MEF2C: variants seen among roughly 807,000 people sequenced by gnomAD.
MEF2C encodes myocyte enhancer factor 2C.
In MEF2C, 6 loss-of-function variants were observed where a neutral mutation model predicts 50.5. That is an observed-to-expected ratio of 0.12 (90% confidence interval 0.07 to 0.23). MEF2C has a LOEUF of 0.23. MEF2C is among the 10% of genes least tolerant of loss of function. MEF2C has a pLI of 1.00. For missense variants in MEF2C, 276 were observed against 605.0 expected, an observed-to-expected ratio of 0.46 and a Z score of 5.70; for synonymous variants, 183 against 228.0, an observed-to-expected ratio of 0.80 and a Z score of 1.78.
intron 6 of MEF2C, chr5:88,737,853 T>TA: frequency 1.0e-6 from 1 of 985,400 alleles, no homozygotes; most frequent in Non-Finnish European, 1.2e-6. Flanking sequence ...ACTAAGCTTT[T>TA]ACCAAATTTT....
At chr5:88,780,690 T>A (rs1580579458) in intron 3 of MEF2C, 2 of 864,040 alleles carry the variant, frequency 2.3e-6, no homozygotes, top group Non-Finnish European at 2.8e-6. Context: ...CTGTTAACAA[T>A]ATCATCACAC....
At chr5:88,885,642 T>C (rs1385368328), upstream of MEF2C, among the ~76,000 whole-genome samples, 2 of 152,198 alleles carry the variant, frequency 1.3e-5, no homozygotes, top group East Asian at 1.9e-4. Flanking sequence ...GGCAAAGATA[T>C]TTCGAATACT....
At chr5:88,824,259 A>AT in intron 1 of MEF2C, 1 of 935,762 alleles carries the variant, frequency 1.1e-6, no homozygotes, top group African/African-American at 2.7e-5. Context: ...TGACAATTTC[A>AT]CCCGTTATGA....
intron 1 of MEF2C, among the ~76,000 whole-genome samples, chr5:88,835,572 G>C (rs189596376): frequency 6.6e-6 from 1 of 152,186 alleles, no homozygotes; most frequent in Admixed American, 6.5e-5. Context: ...AGCACTTTGA[G>C]AGGCCGAGGC....
intron 1 of MEF2C, among the ~76,000 whole-genome samples, chr5:88,852,025 G>A (rs139983537): frequency 1.3e-5 from 2 of 152,104 alleles, no homozygotes; most frequent in East Asian, 1.9e-4. Flanking sequence ...GTGAAAACTC[G>A]AATGACCAAA....
intron 2 of MEF2C, among the ~76,000 whole-genome samples, chr5:88,806,883 CTACTT>C (rs1208105061): frequency 2.6e-5 from 4 of 152,098 alleles, no homozygotes; most frequent in African/African-American, 9.7e-5. Context: ...ATTTTGCTCA[CTACTT>C]TATCCCCAGT....
At chr5:88,762,033 G>A (rs1347705024) in intron 3 of MEF2C, 1 of 152,202 alleles carries the variant, frequency 6.6e-6, no homozygotes, top group Non-Finnish European at 1.5e-5. Context: ...GCTGAGTAAG[G>A]AAGACGAAGA....
chr5:88,893,995 T>C (rs13171125), intron 1 of MEF2C, among the ~76,000 whole-genome samples: 34,179 of 152,152 alleles, frequency 0.22, 4,143 homozygotes, highest in Non-Finnish European at 0.29. Context: ...TTCTTAGTCA[T>C]AATACAATGA....
intron 1 of MEF2C, among the ~76,000 whole-genome samples, chr5:88,871,636 GATTT>G (rs1171954290): frequency 6.6e-6 from 1 of 151,986 alleles, no homozygotes; most frequent in Non-Finnish European, 1.5e-5. Flanking sequence ...TCCAAAATAT[GATTT>G]TTTTTGAGAA....
chr5:88,844,445 A>G (rs902044938), intron 1 of MEF2C, among the ~76,000 whole-genome samples: 6 of 152,212 alleles, frequency 3.9e-5, no homozygotes, highest in African/African-American at 1.4e-4. Context: ...TGACATACAT[A>G]TATCAAATTC....
At chr5:88,821,351 T>C (rs1330740050) in intron 2 of MEF2C, among the ~76,000 whole-genome samples, 2 of 151,906 alleles carry the variant, frequency 1.3e-5, no homozygotes, top group Non-Finnish European at 1.5e-5. Context: ...CTCACTGCAG[T>C]TTTGACATCT....
intron 3 of MEF2C, among the ~76,000 whole-genome samples, chr5:88,786,681 T>G (rs545721323): frequency 6.6e-6 from 1 of 150,758 alleles, no homozygotes; most frequent in African/African-American, 2.5e-5. Context: ...CTGCTACATA[T>G]ACATACTACA....
intron 6 of MEF2C, chr5:88,743,916 A>C (rs1365221062): frequency 1.1e-6 from 1 of 911,174 alleles, no homozygotes; most frequent in Non-Finnish European, 1.3e-6. Context: ...GCCAATTAAA[A>C]TTATTAACCA....
At chr5:88,726,262 CA>C (rs777726904) in intron 10 of MEF2C, among the ~76,000 whole-genome samples, 1 of 151,968 alleles carries the variant, frequency 6.6e-6, no homozygotes, top group Non-Finnish European at 1.5e-5. Context: ...TGTCTCTAGC[CA>C]AAAGAATGTG....
chr5:88,740,329 G>GC, intron 6 of MEF2C: 2 of 984,770 alleles, frequency 2.0e-6, no homozygotes, highest in Non-Finnish European at 2.4e-6. Flanking sequence ...TACTGTGTAA[G>GC]CTCTGGATTG....
chr5:88,902,231 T>C (rs1386212895), intron 1 of MEF2C, among the ~76,000 whole-genome samples: 22 of 151,676 alleles, frequency 1.5e-4, no homozygotes, highest in Non-Finnish European at 2.8e-4. Flanking sequence ...TCTAAAAATT[T>C]AGCGACTATA....
intron 1 of MEF2C, chr5:88,839,209 G>C (rs1260862458): frequency 6.6e-6 from 1 of 151,896 alleles, no homozygotes; most frequent in Non-Finnish European, 1.5e-5. Context: ...ACCTATGTTT[G>C]TACATATATA....
chr5:88,785,320 GTAT>G (rs1790357697), intron 3 of MEF2C: 1 of 130,086 alleles, frequency 7.7e-6, no homozygotes, highest in African/African-American at 2.9e-5. Context: ...ACACACACAC[GTAT>G]TTTTTTATGA....
intron 1 of MEF2C, among the ~76,000 whole-genome samples, chr5:88,867,339 T>C (rs1318969215): frequency 6.6e-6 from 1 of 152,184 alleles, no homozygotes; most frequent in Admixed American, 6.5e-5. Flanking sequence ...ATGTGAGATT[T>C]TGGCTTAATA....
Sources: allele counts gnomAD v4.1 joint callset (sites outside exome capture counted in the v4.1 genomes callset), GRCh38; gene constraint gnomAD v4.1.1; transcripts MANE v1.5; gene names NCBI Gene and HGNC (gene_info 2026-07-23, HGNC 2026-07-21).